The following GRK1 variants were observed in gnomAD, a reference collection of about 807,000 sequenced individuals.
The protein encoded by GRK1 is rhodopsin kinase GRK1.
Under a neutral mutation model 41.7 loss-of-function variants are expected in GRK1, and 28 were observed. The ratio of observed to expected loss-of-function variants is 0.67; its 90% CI spans 0.50 to 0.92. GRK1 has a LOEUF of 0.92. GRK1 is among the 40% of genes least tolerant of loss of function. GRK1 has a pLI of 0.00. For missense variants in GRK1, 703 were observed against 671.2 expected (o/e 1.05, Z -0.52); for synonymous variants, 327 against 286.7 (o/e 1.14, Z -1.42).
the GRK1 span, chr13:113,653,044 G>A: frequency 1.2e-6 from 2 of 1,612,928 alleles, no homozygotes; most frequent in Non-Finnish European, 1.7e-6. Context: ...TGCAGTTGAT[G>A]CTGTCCTCCT....
chr13:113,669,795 A>G lies in GRK1; in HGVS notation c.808A>G (p.Met270Val). Residue 270 changes from methionine to valine, a missense_variant, in exon 2 of 7, where the codon ATG (methionine) becomes GTG (valine). By Grantham distance (21) the Met-to-Val change is conservative (BLOSUM62 1). Coordinates refer to ENST00000335678, the MANE Select transcript of GRK1 (RefSeq NM_002929.3). ...CGACCTCTGTCTGGTGATGACCATCATGAACGGAGGTGACATCAGGTAAGG... is the reference window on the plus strand; with the variant it reads ...CGACCTCTGTCTGGTGATGACCATCGTGAACGGAGGTGACATCAGGTAAGG... Reference protein sequence around the residue: ...KADLCLVMTIMNGGDIRYHIY... With the variant: ...KADLCLVMTIVNGGDIRYHIY... 6.2e-7 allele frequency: 1 copy of G among 1,613,944 alleles called. No homozygotes were observed.
chr13:113,649,886 G>A, the GRK1 span, among the ~76,000 whole-genome samples: 1 of 152,192 alleles, frequency 6.6e-6, no homozygotes, highest in Non-Finnish European at 1.5e-5. The surrounding 1 kb of genome is among the most constrained non-coding windows in gnomAD (Gnocchi z 4.7). Context: ...AATTAGGCTG[G>A]GCGCAGTGGC....
At chr13:113,668,240 C>A (rs933480852) in intron 1 of GRK1, 155 bp downstream of exon 1, 1 of 304,998 alleles carries the variant, frequency 3.3e-6, no homozygotes, top group Non-Finnish European at 4.8e-6. Context: ...GTGGGCGCCC[C>A]GCGGCCGTGC....
Position 113,671,925 on chromosome 13 carries a change from C to T in GRK1, c.985+269C>T, listed in dbSNP as rs968053216. Among the ~76,000 whole-genome samples, 57 of 152,254 alleles carry T rather than the reference C, an allele frequency of 3.7e-4. 1 individual carries two copies. In the East Asian group the frequency reaches 5.2e-3, roughly 14 times the overall value. ...TTCCTTCTGCCTGAATGAGGCGTCA[C>T]ACAGGGATTCTTCTCAGAAATAAAC... is the stretch of plus-strand genomic sequence containing the variant. On this transcript the variant is annotated intron_variant, in intron 3 of 6. Coordinates refer to ENST00000335678, the MANE Select transcript of GRK1 (RefSeq NM_002929.3). The surrounding 1 kb of genome is among the most constrained non-coding windows in gnomAD (Gnocchi z 4.1).
chr13:113,665,194 G>C (rs1274917330), upstream of GRK1, among the ~76,000 whole-genome samples: 1 of 152,172 alleles, frequency 6.6e-6, no homozygotes, highest in Non-Finnish European at 1.5e-5. Context: ...CTCCCTGTGT[G>C]AGCTGGAACC....
the GRK1 span, among the ~76,000 whole-genome samples, chr13:113,661,378 G>A: frequency 3.2e-4 from 49 of 152,050 alleles, no homozygotes; most frequent in Admixed American, 1.2e-3. Context: ...CACTAAAAAT[G>A]CATATTTTAG....
rs527530577 is a variant in GRK1 at position 113,733,704 on chromosome 13, C to T, written c.1396+619C>T. ...GCATGTATGTGTGCATACATGTGTG[C>T]GTGTGTGCGCACGTGTGTGTGCGCG... On this transcript the variant is annotated intron_variant, in intron 6 of 6. Coordinates refer to ENST00000335678, the MANE Select transcript of GRK1 (RefSeq NM_002929.3). Among the ~76,000 whole-genome samples, 20 of 97,220 alleles carry T rather than the reference C, an allele frequency of 2.1e-4. No homozygotes were observed. The South Asian group carries it at 2.2e-3, about 11-fold the overall frequency. The allele number at this position is 97,220 out of a possible 152,430, so 63.8% of individuals were successfully genotyped here. A position where few individuals can be genotyped will look rare whatever the true frequency, so the allele number is the denominator to read the frequency against.
At chr13:113,650,575 TTGTG>T in the GRK1 span, 10 of 1,312,928 alleles carry the variant, frequency 7.6e-6, no homozygotes, top group Non-Finnish European at 1.1e-5. This position sits in a 1 kb window ranked among gnomAD's most constrained non-coding sequence, Gnocchi z 5.0. Flanking sequence ...TGTGTTGCGT[TTGTG>T]TGCGTGTGTG....
At chr13:113,658,342 C>T in the GRK1 span, among the ~76,000 whole-genome samples, 1 of 152,250 alleles carries the variant, frequency 6.6e-6, no homozygotes, top group Non-Finnish European at 1.5e-5. Context: ...GGGTGCAGCC[C>T]GGCTGTTGCC....
In GRK1 at chr13:113,671,372, G is replaced by A; in HGVS notation, c.828-127G>A. ...CGGGTGTCCTCTGCAGGGACGTAGG[G>A]GGGCCAGGCCTCAAAACGACCAGAA... On this transcript the variant is annotated intron_variant, in intron 2 of 6. Coordinates refer to ENST00000335678, the MANE Select transcript of GRK1 (RefSeq NM_002929.3). The surrounding 1 kb of genome is among the most constrained non-coding windows in gnomAD (Gnocchi z 4.1). 1.4e-6 allele frequency: 1 copy of A among 703,172 alleles called. No homozygotes were observed. The highest frequency in any genetic ancestry group is 1.9e-5 in the Admixed American group (1 of 51,898). The allele number at this position is 703,172 out of a possible 1,614,324, so 43.6% of individuals were successfully genotyped here.
the GRK1 span, among the ~76,000 whole-genome samples, chr13:113,652,383 C>CTGAT: frequency 6.6e-6 from 1 of 152,250 alleles, no homozygotes; most frequent in Admixed American, 6.5e-5. Flanking sequence ...CACAGAGCTG[C>CTGAT]TGATTGGTCC....
upstream of GRK1, among the ~76,000 whole-genome samples, chr13:113,664,475 C>T (rs2049806112): frequency 7.0e-6 from 1 of 142,446 alleles, no homozygotes; most frequent in Non-Finnish European, 1.5e-5. This position sits in a 1 kb window ranked among gnomAD's most constrained non-coding sequence, Gnocchi z 5.4. Context: ...AAACGACATA[C>T]TTTACTTCTC....
the GRK1 span, chr13:113,654,747 C>A: frequency 3.3e-5 from 51 of 1,563,830 alleles, 3 homozygotes; most frequent in East Asian, 1.2e-3. Flanking sequence ...CCCCGGGCGT[C>A]TCCAGAGCCG....
chr13:113,658,446 T>G, the GRK1 span, among the ~76,000 whole-genome samples: 1 of 152,192 alleles, frequency 6.6e-6, no homozygotes, highest in Non-Finnish European at 1.5e-5. Flanking sequence ...GAGGGCACGT[T>G]CCGGGGTGAG....
chr13:113,668,646 C>T (rs569580352), intron 1 of GRK1, among the ~76,000 whole-genome samples: 4 of 152,350 alleles, frequency 2.6e-5, no homozygotes, highest in South Asian at 2.1e-4. Context: ...AAGTTTCATC[C>T]GCTCTGCCCA....
intron 4 of GRK1, among the ~76,000 whole-genome samples, chr13:113,727,607 T>C (rs1374802583): frequency 7.4e-6 from 1 of 135,766 alleles, no homozygotes; most frequent in Non-Finnish European, 1.6e-5. Flanking sequence ...CAATGAGGAG[T>C]ACCCATGGCG....
upstream of GRK1, among the ~76,000 whole-genome samples, chr13:113,664,087 CGAG>C: frequency 6.6e-6 from 1 of 152,188 alleles, no homozygotes; most frequent in South Asian, 2.1e-4. The surrounding 1 kb of genome is among the most constrained non-coding windows in gnomAD (Gnocchi z 5.4). Context: ...ACCACAGAGA[CGAG>C]GAGGGAATGG....
rs189582728 is a variant in GRK1 at position 113,671,346 on chromosome 13, T to C, written c.828-153T>C. Among the ~76,000 whole-genome samples, 1 of 152,270 alleles carries C rather than the reference T, an allele frequency of 6.6e-6. No individual in the cohort carries two copies. The highest frequency in any genetic ancestry group is 2.4e-5 in the African/African-American group (1 of 41,548). ...CTAACGCCGCCAGCCACCATGGCCT[T>C]CGGGTGTCCTCTGCAGGGACGTAGG... On this transcript the variant is annotated intron_variant, in intron 2 of 6. Transcript: ENST00000335678. This position sits in a 1 kb window ranked among gnomAD's most constrained non-coding sequence, Gnocchi z 4.1.
the GRK1 span, among the ~76,000 whole-genome samples, chr13:113,651,067 G>A: frequency 2.6e-5 from 4 of 152,080 alleles, no homozygotes; most frequent in Admixed American, 1.3e-4. Flanking sequence ...CGAGAGTGGA[G>A]GCTTCGAGGG....
Sources: allele counts gnomAD v4.1 joint callset (sites outside exome capture counted in the v4.1 genomes callset), GRCh38; gene constraint gnomAD v4.1.1; non-coding constraint Gnocchi (gnomAD v3.1); transcripts MANE v1.5; gene names NCBI Gene and HGNC (gene_info 2026-07-23, HGNC 2026-07-21).